CDC42BPA: variants seen among roughly 807,000 people sequenced by gnomAD.
The protein encoded by CDC42BPA is CDC42 binding protein kinase alpha.
CDC42BPA carries 80 observed loss-of-function variants against 223.5 expected under a neutral mutation model. That is an observed-to-expected ratio of 0.36 (90% CI 0.30 to 0.43). The LOEUF is 0.43. CDC42BPA is among the 20% of genes least tolerant of loss of function. The pLI, the probability that CDC42BPA is intolerant of heterozygous loss-of-function variation, is 1.00. For synonymous variants in CDC42BPA, 694 were observed against 718.6 expected, an observed-to-expected ratio of 0.97 and a Z score of 0.55; for missense variants, 1,743 against 2,099.9, an observed-to-expected ratio of 0.83 and a Z score of 3.32.
chr1:227,142,784 TAA>T (rs1169143106), intron 9 of CDC42BPA, among the ~76,000 whole-genome samples, 159 bp downstream of exon 9: 7 of 152,084 alleles, frequency 4.6e-5, no homozygotes, highest in Admixed American at 4.6e-4. Flanking sequence ...CACGCCCACC[TAA>T]GTTTTGTATT....
In CDC42BPA at chr1:227,221,600, G is replaced by A. The variant is rs373171470; in HGVS notation, c.271-8381C>T. Among the ~76,000 whole-genome samples the A allele has an allele frequency of 4.1e-4, 29 of 70,400 alleles. No homozygotes were observed. In the East Asian group the frequency reaches 7.5e-3, roughly 18 times the overall value. The allele number at this position is 70,400 out of a possible 152,430, so 46.2% of individuals were successfully genotyped here. A position where few individuals can be genotyped will look rare whatever the true frequency, so the allele number is the denominator to read the frequency against. On this transcript the variant is annotated intron_variant, in intron 2 of 36. Transcript: ENST00000366766. ...TCATTATTTCAACAGAAAAATAATA[G>A]GCTTTTTTTTTTTTTTACCACATTA...
intron 5 of CDC42BPA, among the ~76,000 whole-genome samples, chr1:227,168,494 G>A (rs1049059606): frequency 4.6e-5 from 1 of 21,816 alleles, no homozygotes; most frequent in African/African-American, 2.5e-4. Flanking sequence ...TATCTTCCCT[G>A]GTGTTTTTTT....
chr1:227,090,410 A>G (rs1481041323), intron 16 of CDC42BPA, among the ~76,000 whole-genome samples: 1 of 152,226 alleles, frequency 6.6e-6, no homozygotes, highest in Non-Finnish European at 1.5e-5. Flanking sequence ...ATAATTGAAC[A>G]TAATATTTTT....
intron 21 of CDC42BPA, among the ~76,000 whole-genome samples, chr1:227,061,126 A>G (rs1675844286): frequency 6.6e-6 from 1 of 152,184 alleles, no homozygotes; most frequent in African/African-American, 2.4e-5. Context: ...AGAGTTCTAA[A>G]GAAGTTTTTC....
intron 5 of CDC42BPA, among the ~76,000 whole-genome samples, chr1:227,176,450 C>T (rs1666974350): frequency 6.6e-6 from 1 of 152,170 alleles, no homozygotes; most frequent in Admixed American, 6.5e-5. Flanking sequence ...ACTATACTGT[C>T]ACCACTAATT....
At chr1:227,206,228 C>A (rs1022422608) in intron 3 of CDC42BPA, among the ~76,000 whole-genome samples, 1 of 152,084 alleles carries the variant, frequency 6.6e-6, no homozygotes, top group African/African-American at 2.4e-5. Context: ...AGATTGAGAG[C>A]AGTAGTTCAT....
intron 31 of CDC42BPA, among the ~76,000 whole-genome samples, chr1:227,024,926 T>C (rs1667983949): frequency 6.6e-6 from 1 of 152,220 alleles, no homozygotes; most frequent in African/African-American, 2.4e-5. Context: ...TTCTTTCACA[T>C]ACATTGCAAA....
At chr1:227,266,857 A>G (rs1685085464) in intron 1 of CDC42BPA, among the ~76,000 whole-genome samples, 1 of 152,224 alleles carries the variant, frequency 6.6e-6, no homozygotes, top group Non-Finnish European at 1.5e-5. Context: ...TATGTGACCT[A>G]AATAGTCCAT....
At chr1:227,232,712 A>C (rs567128568) in intron 2 of CDC42BPA, among the ~76,000 whole-genome samples, 1 of 152,346 alleles carries the variant, frequency 6.6e-6, no homozygotes, top group Non-Finnish European at 1.5e-5. Flanking sequence ...TCACCAGCAG[A>C]GGCTGCAGAA....
rs1218276524 is a variant in CDC42BPA, at chr1:226,992,304, T to A, written c.*1964A>T. On this transcript the variant is annotated 3_prime_UTR_variant, in exon 37 of 37. Coordinates refer to ENST00000366766, the MANE Select transcript of CDC42BPA (RefSeq NM_001394014.1). ...AGAACTGTGCTGTGAATTACACCCATCCAAAATAAAATATAATCAAATCTG... is the reference window on the plus strand; with the variant it reads ...AGAACTGTGCTGTGAATTACACCCAACCAAAATAAAATATAATCAAATCTG... 6.6e-6 allele frequency: 1 copy of A among 152,188 alleles called. No individual in the cohort carries two copies. Among genetic ancestry groups the A allele is most frequent in the South Asian group, 2.1e-4 (1 of 4,830 alleles). The allele number at this position is 152,188 out of a possible 1,614,324, so 9.4% of individuals were successfully genotyped here.
At chr1:227,085,178 A>T (rs979080137) in intron 16 of CDC42BPA, among the ~76,000 whole-genome samples, 3 of 151,804 alleles carry the variant, frequency 2.0e-5, no homozygotes, top group Non-Finnish European at 4.4e-5. Context: ...ACACACATAC[A>T]TATACCACCT....
intron 11 of CDC42BPA, among the ~76,000 whole-genome samples, chr1:227,127,480 G>A (rs962307982): frequency 6.6e-6 from 1 of 152,198 alleles, no homozygotes; most frequent in African/African-American, 2.4e-5. Flanking sequence ...AAAAAGAGGA[G>A]AGATATGCTT....
intron 19 of CDC42BPA, among the ~76,000 whole-genome samples, chr1:227,073,293 G>A (rs1678802117): frequency 6.6e-6 from 1 of 152,148 alleles, no homozygotes; most frequent in African/African-American, 2.4e-5. Context: ...TTCAGAGTAT[G>A]ATTCACTCTA....
chr1:227,217,410 C>T (rs2150404596), intron 2 of CDC42BPA, among the ~76,000 whole-genome samples: 1 of 150,646 alleles, frequency 6.6e-6, no homozygotes, highest in South Asian at 2.1e-4. Flanking sequence ...CACGCCACTG[C>T]ACTTCAGCCC....
At chr1:227,086,842 A>T (rs561947503) in intron 16 of CDC42BPA, among the ~76,000 whole-genome samples, 2 of 152,026 alleles carry the variant, frequency 1.3e-5, no homozygotes, top group East Asian at 3.9e-4. Context: ...TAATATTTAA[A>T]AAAGATTTTG....
Position 227,254,046 on chromosome 1 carries a change from C to G in CDC42BPA, c.270+18G>C. On this transcript the variant is annotated intron_variant, in intron 2 of 36. Transcript: ENST00000366766. ...CCAAAATAATTAGCAGACCTTCTATCAAATCTTAATCTCTTACCTCCCCAA... is the reference window on the plus strand; with the variant it reads ...CCAAAATAATTAGCAGACCTTCTATGAAATCTTAATCTCTTACCTCCCCAA... 1 of 1,400,804 alleles carries G rather than the reference C, an allele frequency of 7.1e-7. No homozygotes were observed. Among genetic ancestry groups the G allele is most frequent in the South Asian group, 1.2e-5 (1 of 84,024 alleles). The allele number at this position is 1,400,804 out of a possible 1,614,324, so 86.8% of individuals were successfully genotyped here.
intron 5 of CDC42BPA, among the ~76,000 whole-genome samples, chr1:227,162,817 T>C (rs575842849): frequency 1.7e-4 from 26 of 151,402 alleles, no homozygotes; most frequent in African/African-American, 4.9e-4. Flanking sequence ...GCCTGGGTGA[T>C]GGAATGAGAA....
At chr1:227,007,968 C>T (rs1435596407) in intron 34 of CDC42BPA, among the ~76,000 whole-genome samples, 1 of 152,192 alleles carries the variant, frequency 6.6e-6, no homozygotes, top group African/African-American at 2.4e-5. Context: ...CTCCTCCACA[C>T]TCACCACCTC....
In CDC42BPA at chr1:227,138,646, T is replaced by C. The variant is rs114957178; in HGVS notation, c.1390+930A>G. On this transcript the variant is annotated intron_variant, in intron 10 of 36. Transcript: ENST00000366766. ...GATTTTACAACACAGGATAGGGAAA[T>C]AGACTAGGGGAAATAGCATGAAGAG... Among the ~76,000 whole-genome samples, 39 of 150,414 alleles carry C rather than the reference T, an allele frequency of 2.6e-4. No homozygotes were observed. In the East Asian group the frequency reaches 5.5e-3, roughly 21 times the overall value.
Sources: gnomAD v4.1 joint callset for allele counts (sites outside exome capture counted in the v4.1 genomes callset) on GRCh38, gnomAD v4.1.1 for gene constraint, MANE v1.5 for transcripts, NCBI Gene and HGNC (gene_info 2026-07-23, HGNC 2026-07-21) for gene names.